Variants in KRT12 observed in about 807,000 individuals in gnomAD.
The protein encoded by KRT12 is keratin, type I cytoskeletal 12.
Under a neutral mutation model 50.2 loss-of-function variants are expected in KRT12, and 43 were observed. The observed-to-expected ratio is 0.86, with a 90% CI of 0.67 to 1.11. The LOEUF is 1.11. KRT12 is among the 50% of genes least tolerant of loss of function. KRT12 has a pLI of 0.00. For synonymous variants in KRT12, 257 were observed against 253.6 expected (o/e 1.01, Z -0.13); for missense variants, 588 against 625.6 (o/e 0.94, Z 0.64).
rs757561148 is a variant in KRT12, at chr17:40,863,691, T to C, written c.969+12A>G. On this transcript the variant is annotated intron_variant, in intron 4 of 7. Transcript: ENST00000251643. The surrounding 1 kb of genome is among the most constrained non-coding windows in gnomAD (Gnocchi z 4.2). ...TCTGTGAATGTATCAAAGCCTTTGT[T>C]GTTTGTGTTACCTTTTCAATGAACC... 27 of 1,614,028 alleles carry C rather than the reference T, an allele frequency of 1.7e-5. No homozygotes were observed. The highest frequency in any genetic ancestry group is 2.2e-5 in the Non-Finnish European group (26 of 1,180,048).
chr17:40,865,197 C>A (rs549256788), intron 2 of KRT12, among the ~76,000 whole-genome samples: 1 of 152,190 alleles, frequency 6.6e-6, no homozygotes, highest in South Asian at 2.1e-4. Context: ...TACTTTCCTA[C>A]CAGCGATGAA....
In KRT12 at chr17:40,866,814, C is replaced by G. The variant is rs765346056; in HGVS notation, c.373G>C (p.Glu125Gln). 1 of 1,614,144 alleles carries G rather than the reference C, an allele frequency of 6.2e-7. No homozygotes were observed. Among genetic ancestry groups the G allele is most frequent in the South Asian group, 1.1e-5 (1 of 91,084 alleles). ...TTAAGATTTTGCATAGTTTCTTTTT[C>G]TGATCCAGAAAGAAGGCCTCCATCA... Reference protein sequence around the residue: ...GNDGGLLSGSEKETMQNLNDR... With the variant: ...GNDGGLLSGSQKETMQNLNDR... Residue 125 changes from glutamate (E) to glutamine (Q), a missense_variant, in exon 1 of 8, where the codon GAA becomes CAA. Transcript: ENST00000251643.
chr17:40,865,088 G>T, intron 2 of KRT12, 126 bp from the exon 3 acceptor site: 1 of 1,022,490 alleles, frequency 9.8e-7, no homozygotes, highest in Non-Finnish European at 1.5e-6. Context: ...TGTAGTGTAT[G>T]ATGCAGTTTT....
At position 40,863,230 on chromosome 17, in the gene KRT12, C is replaced by T; in HGVS notation, c.1209G>A (p.Ala403=). 6.2e-7 allele frequency: 1 copy of T among 1,613,978 alleles called. No individual in the cohort carries two copies. Among genetic ancestry groups the T allele is most frequent in the Non-Finnish European group, 8.5e-7 (1 of 1,180,016 alleles). Residue 403 remains alanine (A), a synonymous_variant, in exon 6 of 8, where the codon GCG becomes GCA. Transcript: ENST00000251643. The surrounding 1 kb of genome is among the most constrained non-coding windows in gnomAD (Gnocchi z 4.2). ...NLEAQLLQVR[A]DAERQNVDHQ... is the part of the protein sequence containing the mutation. ...GGTCCACGTTCTGGCGCTCTGCGTC[C>T]GCGCGCACCTGGAGCAGCTGTGCCT...
At chr17:40,866,435 A>G (rs1352956994) in intron 1 of KRT12, among the ~76,000 whole-genome samples, 185 bp downstream of exon 1, 1 of 152,254 alleles carries the variant, frequency 6.6e-6, no homozygotes, top group Admixed American at 6.5e-5. Context: ...CTACAGAAAG[A>G]TAATGGAAAT....
intron 7 of KRT12, among the ~76,000 whole-genome samples, chr17:40,862,057 T>A (rs988791121): frequency 2.6e-5 from 4 of 152,140 alleles, no homozygotes; most frequent in East Asian, 1.9e-4. Flanking sequence ...CCATTTTTTT[T>A]ATTTTTTAAT....
At chr17:40,862,828 G>C (rs1906851316) in intron 6 of KRT12, among the ~76,000 whole-genome samples, 193 bp from the exon 7 acceptor site, 1 of 152,156 alleles carries the variant, frequency 6.6e-6, no homozygotes, top group South Asian at 2.1e-4. Flanking sequence ...TTATCATCAG[G>C]TCTTTGATAT....
At chr17:40,862,747 T>A in intron 6 of KRT12, 112 bp from the exon 7 acceptor site, 1 of 818,898 alleles carries the variant, frequency 1.2e-6, no homozygotes, top group Non-Finnish European at 2.2e-6. Flanking sequence ...TTCTTCCAAC[T>A]AGTGCAGACT....
In KRT12 at chr17:40,863,337, A is replaced by T. The variant is rs1906877344; in HGVS notation, c.1102T>A (p.Ser368Thr). The stretch of plus-strand genomic sequence containing the variant: ...GCTTCGGCCAAGGAGTCCTCCAGGG[A>T]TTTCTTCTGCACGTGGGAGGGAAAT... ...ELQSQLAMKK[S>T]LEDSLAEAEG... The change falls in exon 6 of 8, where the codon TCC (serine) becomes ACC (threonine). Residue 368 changes from serine (S) to threonine (T), a missense_variant. Transcript: ENST00000251643. This position sits in a 1 kb window ranked among gnomAD's most constrained non-coding sequence, Gnocchi z 4.2. The T allele has an allele frequency of 1.3e-5, 21 of 1,613,920 alleles. No homozygotes were observed. Among genetic ancestry groups the T allele is most frequent in the Non-Finnish European group, 1.8e-5 (21 of 1,179,954 alleles).
intron 7 of KRT12, among the ~76,000 whole-genome samples, chr17:40,862,293 G>A (rs922519675): frequency 4.0e-5 from 6 of 151,852 alleles, no homozygotes; most frequent in African/African-American, 7.3e-5. Context: ...GGTGGGTCAC[G>A]AACTCCTGGC....
intron 7 of KRT12, 71 bp from the exon 8 acceptor site, chr17:40,861,829 T>A (rs1906814774): frequency 1.0e-6 from 1 of 978,170 alleles, no homozygotes; most frequent in Non-Finnish European, 1.7e-6. Flanking sequence ...GGTTGTTTAA[T>A]GTAGGCTTCT....
At position 40,863,690 on chromosome 17, in the gene KRT12, T is replaced by A. The variant is rs1448196079; in HGVS notation, c.969+13A>T. ...TTCTGTGAATGTATCAAAGCCTTTGTTGTTTGTGTTACCTTTTCAATGAAC... is the reference window on the plus strand; with the variant it reads ...TTCTGTGAATGTATCAAAGCCTTTGATGTTTGTGTTACCTTTTCAATGAAC... On this transcript the variant is annotated intron_variant, in intron 4 of 7. Coordinates refer to ENST00000251643, the MANE Select transcript of KRT12 (RefSeq NM_000223.4). This position sits in a 1 kb window ranked among gnomAD's most constrained non-coding sequence, Gnocchi z 4.2. 2 of 1,614,156 alleles carry A rather than the reference T, an allele frequency of 1.2e-6. No homozygotes were observed. Among genetic ancestry groups the A allele is most frequent in the East Asian group, 4.5e-5 (2 of 44,888 alleles).
Position 40,866,621 on chromosome 17 carries a change from T to G in KRT12, c.566A>C (p.Lys189Thr). The change falls in exon 1 of 8, where the codon AAG becomes ACG. Residue 189 changes from lysine (K) to threonine (T), a missense_variant and splice_region_variant. Lys to Thr is a moderately conservative substitution (Grantham distance 78). Transcript: ENST00000251643. Reference sequence around the variant, plus strand: ...AAGCGCCTCCAAAAGAGATCTTACCTTATTCCTGAGGTCTTCAATCAGTGG... The same window carrying G: ...AAGCGCCTCCAAAAGAGATCTTACCGTATTCCTGAGGTCTTCAATCAGTGG... ...YYPLIEDLRN[K>T]IISASIGNAQ... 2 of 1,613,568 alleles carry G rather than the reference T, an allele frequency of 1.2e-6. No homozygotes were observed. Among genetic ancestry groups the G allele is most frequent in the South Asian group, 1.1e-5 (1 of 91,020 alleles).
chr17:40,862,343 G>A (rs1033241406), intron 7 of KRT12, among the ~76,000 whole-genome samples: 3 of 152,154 alleles, frequency 2.0e-5, no homozygotes, highest in Non-Finnish European at 4.4e-5. Flanking sequence ...GAAGCTATGA[G>A]GTTACAGGCA....
intron 7 of KRT12, 108 bp downstream of exon 7, chr17:40,862,457 C>G: frequency 1.3e-6 from 1 of 794,404 alleles, no homozygotes; most frequent in East Asian, 2.6e-5. Context: ...TATAAATATG[C>G]TTTAAATTAA....
In KRT12 at chr17:40,866,854, A is replaced by C; in HGVS notation, c.333T>G (p.Gly111=). ...GGCCTCCATCATTGCCCGAGAGAAT[A>C]CCTAGAGAGCCACCTCCTGGGCTGC... ...FGGSPGGGSL[G]ILSGNDGGLL... The change falls in exon 1 of 8, where the codon GGT becomes GGG. Residue 111 remains glycine, a synonymous_variant. Coordinates refer to ENST00000251643, the MANE Select transcript of KRT12 (RefSeq NM_000223.4). The C allele has an allele frequency of 6.2e-7, 1 of 1,614,096 alleles. No homozygotes were observed. Among genetic ancestry groups the C allele is most frequent in the Non-Finnish European group, 8.5e-7 (1 of 1,180,010 alleles).
rs1206616479 is a variant in KRT12 at position 40,863,509 on chromosome 17, G to C, written c.1071C>G (p.Ile357Met). 1 of 1,614,266 alleles carries C rather than the reference G, an allele frequency of 6.2e-7. No homozygotes were observed. The highest frequency in any genetic ancestry group is 8.5e-7 in the Non-Finnish European group (1 of 1,180,050). The change falls in exon 5 of 8, where the codon ATC becomes ATG. Residue 357 changes from isoleucine (I) to methionine (M), a missense_variant. By Grantham distance (10) the Ile-to-Met change is conservative. Transcript: ENST00000251643. The surrounding 1 kb of genome is among the most constrained non-coding windows in gnomAD (Gnocchi z 4.2). ...CCATGGCGAGCTGGGACTGTAGCTC[G>C]ATCTCCAGGTTCTGAAAGGCGCGAC... is the stretch of plus-strand genomic sequence containing the variant. Reference protein sequence around the residue: ...DLRRAFQNLEIELQSQLAMKK... With the variant: ...DLRRAFQNLEMELQSQLAMKK...
rs750018331 is a variant in KRT12 at position 40,866,223 on chromosome 17, G to C, written c.582C>G (p.Ser194Arg). ...GCAAGAGGAGCTGGGCATTTCCAAT[G>C]CTGGCTGAAATGATCTGGCAAAAGA... is the stretch of plus-strand genomic sequence containing the variant. ...EDLRNKIISA[S>R]IGNAQLLLQI... Residue 194 changes from serine (S) to arginine (R), a missense_variant, in exon 2 of 8, where the codon AGC becomes AGG. Physicochemically the swap from Ser to Arg is moderately radical, Grantham distance 110. Coordinates refer to ENST00000251643, the MANE Select transcript of KRT12 (RefSeq NM_000223.4). 6.2e-7 allele frequency: 1 copy of C among 1,614,002 alleles called. No homozygotes were observed. Among genetic ancestry groups the C allele is most frequent in the Non-Finnish European group, 8.5e-7 (1 of 1,179,902 alleles).
chr17:40,866,770 G>A lies in KRT12; in HGVS notation c.417C>T (p.Tyr139=), dbSNP rs140356245. ...MQNLNDRLAS[Y]LDKVRALEEA... is the part of the protein sequence containing the mutation. ...CTTCTAGAGCTCGCACCTTATCCAGGTAGGAAGCTAATCTATCATTAAGAT... is the reference window on the plus strand; with the variant it reads ...CTTCTAGAGCTCGCACCTTATCCAGATAGGAAGCTAATCTATCATTAAGAT... Residue 139 remains tyrosine, a synonymous_variant, in exon 1 of 8, where the codon TAC becomes TAT. Transcript: ENST00000251643. 262 of 1,614,010 alleles carry A rather than the reference G, an allele frequency of 1.6e-4. No individual in the cohort carries two copies. Among genetic ancestry groups the A allele is most frequent in the Non-Finnish European group, 1.9e-4 (228 of 1,180,042 alleles).
Sources: gnomAD v4.1 joint callset for allele counts (sites outside exome capture counted in the v4.1 genomes callset) on GRCh38, gnomAD v4.1.1 for gene constraint, Gnocchi (gnomAD v3.1) non-coding constraint, MANE v1.5 for transcripts, NCBI Gene and HGNC (gene_info 2026-07-23, HGNC 2026-07-21) for gene names.